PTPN4: variants seen among roughly 807,000 people sequenced by gnomAD.
The protein encoded by PTPN4 is protein tyrosine phosphatase non-receptor type 4.
In PTPN4, 49 loss-of-function variants were observed where a neutral mutation model predicts 135.5. The observed-to-expected ratio is 0.36, with a 90% CI of 0.29 to 0.46. The LOEUF is 0.46. PTPN4 is among the 20% of genes least tolerant of loss of function. The pLI, the probability that PTPN4 is intolerant of heterozygous loss-of-function variation, is 1.00. For synonymous variants in PTPN4, 333 were observed against 369.9 expected (o/e 0.90, Z 1.14); for missense variants, 860 against 1,101.0 (o/e 0.78, Z 3.10).
intron 25 of PTPN4, among the ~76,000 whole-genome samples, chr2:119,966,059 A>G (rs1416326676): frequency 6.6e-6 from 1 of 152,202 alleles, no homozygotes; most frequent in Non-Finnish European, 1.5e-5. Flanking sequence ...ATCAGGGTAC[A>G]CACAGGTTCT....
At chr2:119,877,405 T>C (rs879230238) in intron 4 of PTPN4, 40 bp downstream of exon 4, 1 of 1,608,728 alleles carries the variant, frequency 6.2e-7, no homozygotes, top group East Asian at 2.2e-5. Flanking sequence ...CAAGTTTACT[T>C]TATAAAGATA....
intron 2 of PTPN4, 108 bp from the exon 3 acceptor site, chr2:119,862,428 C>A: frequency 1.1e-6 from 1 of 935,282 alleles, no homozygotes; most frequent in African/African-American, 1.7e-5. Context: ...TTTGCTACCT[C>A]TGGCATAAAT....
intron 1 of PTPN4, among the ~76,000 whole-genome samples, chr2:119,776,560 C>T (rs2104925013): frequency 6.6e-6 from 1 of 152,216 alleles, no homozygotes; most frequent in South Asian, 2.1e-4. Flanking sequence ...AGTGTGCCTG[C>T]CTCTCCTGCT....
intron 1 of PTPN4, among the ~76,000 whole-genome samples, chr2:119,780,052 A>AT (rs113321305): frequency 0.27 from 41,214 of 151,044 alleles, 5,664 homozygotes; most frequent in South Asian, 0.35. Flanking sequence ...GGCTGAAATA[A>AT]TTTTTTTTTT....
intron 26 of PTPN4, among the ~76,000 whole-genome samples, chr2:119,971,177 A>G (rs1029143405): frequency 1.3e-5 from 2 of 152,224 alleles, no homozygotes; most frequent in Non-Finnish European, 2.9e-5. Context: ...GAAACTTACA[A>G]TCATGGTGGA....
At chr2:119,806,805 C>G (rs1004663057) in intron 1 of PTPN4, among the ~76,000 whole-genome samples, 1 of 152,104 alleles carries the variant, frequency 6.6e-6, no homozygotes, top group Non-Finnish European at 1.5e-5. Flanking sequence ...ACACCACATC[C>G]AAAATTGACC....
chr2:119,956,741 G>T (rs1679293201), intron 20 of PTPN4, 103 bp from the exon 21 acceptor site: 1 of 1,557,080 alleles, frequency 6.4e-7, no homozygotes, highest in Non-Finnish European at 8.6e-7. Context: ...CTATTCAAAG[G>T]CAAAGAAACC....
At chr2:119,800,256 A>G (rs980285974) in intron 1 of PTPN4, among the ~76,000 whole-genome samples, 6 of 152,152 alleles carry the variant, frequency 3.9e-5, no homozygotes, top group Non-Finnish European at 7.4e-5. Context: ...TCTTTACCAA[A>G]ATGCCACTAT....
chr2:119,909,729 C>T (rs1678540311), intron 10 of PTPN4, among the ~76,000 whole-genome samples: 1 of 152,134 alleles, frequency 6.6e-6, no homozygotes, highest in South Asian at 2.1e-4. Flanking sequence ...TGAGAACATT[C>T]ATGATTCATG....
intron 16 of PTPN4, among the ~76,000 whole-genome samples, chr2:119,946,128 G>A (rs1679129368): frequency 1.3e-5 from 2 of 152,074 alleles, no homozygotes; most frequent in African/African-American, 4.8e-5. Context: ...TCTAGCATAT[G>A]CTCGTAAGAA....
chr2:119,869,918 A>G (rs1677886487), intron 3 of PTPN4, among the ~76,000 whole-genome samples: 1 of 152,222 alleles, frequency 6.6e-6, no homozygotes, highest in Non-Finnish European at 1.5e-5. Context: ...GTTGAAGAGG[A>G]AAGATTTCTG....
At chr2:119,870,412 A>G (rs1364567507) in intron 3 of PTPN4, among the ~76,000 whole-genome samples, 1 of 152,198 alleles carries the variant, frequency 6.6e-6, no homozygotes, top group Non-Finnish European at 1.5e-5. Flanking sequence ...TGTCAGCACT[A>G]TTTCAGTTTC....
chr2:119,946,126 A>G (rs1433951155), intron 16 of PTPN4, among the ~76,000 whole-genome samples: 1 of 152,124 alleles, frequency 6.6e-6, no homozygotes, highest in Non-Finnish European at 1.5e-5. Context: ...AGTCTAGCAT[A>G]TGCTCGTAAG....
chr2:119,901,756 C>T (rs865932926), intron 10 of PTPN4, among the ~76,000 whole-genome samples: 66 of 152,046 alleles, frequency 4.3e-4, no homozygotes, highest in Middle Eastern at 3.4e-3. Flanking sequence ...CAAGAACAGA[C>T]GGAAATGTAA....
chr2:119,801,824 A>G (rs142191277), intron 1 of PTPN4, among the ~76,000 whole-genome samples: 1 of 142,778 alleles, frequency 7.0e-6, no homozygotes, highest in East Asian at 2.1e-4. Context: ...TTGTAAAATT[A>G]TTTCATCTGC....
chr2:119,850,590 G>A (rs762899009), intron 2 of PTPN4, among the ~76,000 whole-genome samples: 1 of 152,232 alleles, frequency 6.6e-6, no homozygotes, highest in African/African-American at 2.4e-5. Context: ...TATTTTCCCA[G>A]AGTGGAACAT....
chr2:119,963,499 G>A (rs1230703991), intron 24 of PTPN4, among the ~76,000 whole-genome samples: 3 of 152,122 alleles, frequency 2.0e-5, no homozygotes, highest in East Asian at 3.8e-4. Context: ...AGCTATGAGT[G>A]CCCAGGACTA....
At position 119,978,992 on chromosome 2, in the gene PTPN4, T is replaced by G. The variant is rs1012307720; in HGVS notation, c.*1922T>G. 3.8e-4 allele frequency: 58 copies of G among 152,102 alleles called. 1 individual carries two copies. The highest frequency in any genetic ancestry group is 1.3e-3 in the African/African-American group (54 of 41,454). The allele number at this position is 152,102 out of a possible 1,614,324, so 9.4% of individuals were successfully genotyped here. The stretch of plus-strand genomic sequence containing the variant: ...AACATAAACTTATGTCAAAGAGAAA[T>G]TCTCTTAATCTATTTCCTGACTTCA... On this transcript the variant is annotated 3_prime_UTR_variant, in exon 27 of 27. Transcript: ENST00000263708.
At chr2:119,849,852 A>C (rs552659164) in intron 2 of PTPN4, among the ~76,000 whole-genome samples, 1 of 152,330 alleles carries the variant, frequency 6.6e-6, no homozygotes, top group East Asian at 1.9e-4. Context: ...TTTCATATGC[A>C]GCTGTTAAGC....
Sources: allele counts gnomAD v4.1 joint callset (sites outside exome capture counted in the v4.1 genomes callset), GRCh38; gene constraint gnomAD v4.1.1; transcripts MANE v1.5; gene names NCBI Gene and HGNC (gene_info 2026-07-23, HGNC 2026-07-21).